LRP1B: variants seen among roughly 807,000 people sequenced by gnomAD.
LRP1B encodes low-density lipoprotein receptor-related protein 1B.
LRP1B carries 217 observed loss-of-function variants against 556.6 expected under a neutral mutation model. The ratio of observed to expected loss-of-function variants is 0.39; its 90% confidence interval spans 0.35 to 0.44. The LOEUF (loss-of-function observed/expected upper bound fraction) is 0.44. LRP1B is among the 20% of genes least tolerant of loss of function. The pLI, the probability that LRP1B is intolerant of heterozygous loss-of-function variation, is 1.00. For missense variants in LRP1B, 5,053 were observed against 5,620.8 expected (o/e 0.90, Z 3.23); for synonymous variants, 2,047 against 1,865.8 (o/e 1.10, Z -2.50).
At chr2:140,248,347 AAG>A (rs571397279) in intron 86 of LRP1B, among the ~76,000 whole-genome samples, 58 of 151,852 alleles carry the variant, frequency 3.8e-4, no homozygotes, top group African/African-American at 1.3e-3. Context: ...ACTATTAGAT[AAG>A]AGTTATTTAA....
intron 1 of LRP1B, among the ~76,000 whole-genome samples, chr2:141,920,286 G>GGT (rs1164631156): frequency 1.5e-5 from 2 of 133,440 alleles, no homozygotes; most frequent in African/African-American, 5.7e-5. Flanking sequence ...TTTTGGGGGG[G>GGT]GGTGGTAGGG....
At chr2:142,073,551 G>A (rs1336937773) in intron 1 of LRP1B, among the ~76,000 whole-genome samples, 6 of 151,958 alleles carry the variant, frequency 3.9e-5, no homozygotes, top group Admixed American at 3.9e-4. Flanking sequence ...TTGGGATTGT[G>A]CCTTACCCTT....
intron 3 of LRP1B, among the ~76,000 whole-genome samples, chr2:141,428,558 C>T (rs566390215): frequency 6.6e-6 from 1 of 152,286 alleles, no homozygotes; most frequent in South Asian, 2.1e-4. Context: ...ATAATGTCAT[C>T]TGCTTCCATC....
chr2:141,285,686 C>A (rs1379800922), intron 3 of LRP1B, among the ~76,000 whole-genome samples: 1 of 145,662 alleles, frequency 6.9e-6, no homozygotes, highest in Non-Finnish European at 1.5e-5. Flanking sequence ...AATCCCCTTA[C>A]CTCAGGTAAT....
chr2:140,994,856 T>C (rs1262540841), intron 15 of LRP1B, among the ~76,000 whole-genome samples: 2 of 152,058 alleles, frequency 1.3e-5, no homozygotes, highest in African/African-American at 4.8e-5. Flanking sequence ...TGTTGTCTCA[T>C]TTAACTTAAT....
intron 1 of LRP1B, among the ~76,000 whole-genome samples, chr2:142,022,099 G>C (rs1703346384): frequency 6.6e-6 from 1 of 152,064 alleles, no homozygotes; most frequent in African/African-American, 2.4e-5. Flanking sequence ...GATCAGAAGT[G>C]TATATTTTGA....
intron 2 of LRP1B, among the ~76,000 whole-genome samples, chr2:141,767,989 A>G (rs1694781472): frequency 6.6e-6 from 1 of 152,158 alleles, no homozygotes; most frequent in African/African-American, 2.4e-5. Context: ...GGAAACCATG[A>G]AAAAGAAGAA....
intron 35 of LRP1B, among the ~76,000 whole-genome samples, chr2:140,749,504 T>C (rs1486271445): frequency 6.6e-6 from 1 of 152,186 alleles, no homozygotes; most frequent in Non-Finnish European, 1.5e-5. Context: ...TTTATTGATT[T>C]ATTTTACTTT....
At chr2:140,538,438 G>A (rs908169462) in intron 45 of LRP1B, among the ~76,000 whole-genome samples, 3 of 152,004 alleles carry the variant, frequency 2.0e-5, no homozygotes, top group Non-Finnish European at 2.9e-5. Flanking sequence ...CATGAGCATC[G>A]AATGTTTAGC....
chr2:140,401,403 T>C (rs1351842546), intron 66 of LRP1B, among the ~76,000 whole-genome samples: 1 of 152,168 alleles, frequency 6.6e-6, no homozygotes, highest in Admixed American at 6.6e-5. Flanking sequence ...CTATTCCCCA[T>C]TCCTTGCGTG....
intron 2 of LRP1B, among the ~76,000 whole-genome samples, chr2:141,492,325 A>C (rs906068990): frequency 1.3e-5 from 2 of 152,148 alleles, no homozygotes; most frequent in Non-Finnish European, 2.9e-5. Context: ...ATCTCCCTTA[A>C]GACAACATTA....
At chr2:140,903,230 T>C (rs920820870) in intron 22 of LRP1B, 65 bp from the exon 23 acceptor site, 14 of 1,534,296 alleles carry the variant, frequency 9.1e-6, no homozygotes, top group African/African-American at 2.7e-5. Context: ...ATACTAATCA[T>C]TGAACTCAAT....
At chr2:141,223,963 A>G (rs772273230) in intron 6 of LRP1B, among the ~76,000 whole-genome samples, 6 of 152,242 alleles carry the variant, frequency 3.9e-5, no homozygotes, top group Non-Finnish European at 4.4e-5. Context: ...CACTCAGGAC[A>G]TAGGCACGGG....
Position 140,442,490 on chromosome 2 carries a change from TCA to T in LRP1B, c.10414+12_10414+13del, listed in dbSNP as rs754793292. 6 of 1,608,088 alleles carry T rather than the reference TCA, an allele frequency of 3.7e-6. No homozygotes were observed. The highest frequency in any genetic ancestry group is 5.1e-6 in the Non-Finnish European group (6 of 1,177,858). On this transcript the variant is annotated intron_variant, in intron 66 of 90. Transcript: ENST00000389484. ...AAATACGGAGAGATAAGACCCAGAGTCACAGACACTCACCGCAGTTGGCCTCG... is the reference window on the plus strand; with the variant it reads ...AAATACGGAGAGATAAGACCCAGAGTCAGACACTCACCGCAGTTGGCCTCG...
At chr2:141,345,596 C>T (rs2105526162) in intron 3 of LRP1B, among the ~76,000 whole-genome samples, 1 of 151,666 alleles carries the variant, frequency 6.6e-6, no homozygotes, top group Admixed American at 6.6e-5. Flanking sequence ...CTCAAGGGAT[C>T]CTTCCACTTC....
chr2:140,633,250 G>C (rs1179353411), intron 41 of LRP1B, among the ~76,000 whole-genome samples: 1 of 150,950 alleles, frequency 6.6e-6, no homozygotes, highest in Non-Finnish European at 1.5e-5. Context: ...AGACTCAAGA[G>C]TAGCTCAAAA....
intron 23 of LRP1B, among the ~76,000 whole-genome samples, chr2:140,900,825 G>A (rs1445273379): frequency 6.6e-6 from 1 of 151,710 alleles, no homozygotes; most frequent in East Asian, 1.9e-4. Flanking sequence ...AAAAATAAAT[G>A]GAAAGCAAGG....
chr2:141,096,629 GGAGAGAGAGA>G (rs756327718), intron 7 of LRP1B, among the ~76,000 whole-genome samples: 201 of 59,718 alleles, frequency 3.4e-3, no homozygotes, highest in East Asian at 0.012. Context: ...GGGGAGAGGG[GGAGAGAGAGA>G]GAGAGAGAGA....
At chr2:141,832,340 C>CTT (rs1265448930) in intron 1 of LRP1B, among the ~76,000 whole-genome samples, 19 of 150,254 alleles carry the variant, frequency 1.3e-4, no homozygotes, top group Admixed American at 4.0e-4. Context: ...CACACACACA[C>CTT]ACACACACAC....
Sources: allele counts gnomAD v4.1 joint callset (sites outside exome capture counted in the v4.1 genomes callset), GRCh38; gene constraint gnomAD v4.1.1; transcripts MANE v1.5; gene names NCBI Gene and HGNC (gene_info 2026-07-23, HGNC 2026-07-21).